TAFA2: variants seen among roughly 807,000 people sequenced by gnomAD.
TAFA2 encodes the protein TAFA chemokine like family member 2.
TAFA2 carries 7 observed loss-of-function variants against 18.8 expected under a neutral mutation model. The observed-to-expected ratio is 0.37, with a 90% CI of 0.21 to 0.70. The LOEUF (loss-of-function observed/expected upper bound fraction) is 0.70, where lower values mean the gene tolerates loss of function less well. Among genes scored for constraint, TAFA2 ranks in the 30% least tolerant of loss-of-function variants. TAFA2 has a pLI of 0.53. For missense variants in TAFA2, 122 were observed against 158.1 expected, an observed-to-expected ratio of 0.77 and a Z score of 1.23; for synonymous variants, 60 against 54.2, an observed-to-expected ratio of 1.11 and a Z score of -0.47.
At chr12:61,809,925 A>G (rs900196904) in intron 2 of TAFA2, among the ~76,000 whole-genome samples, 2 of 151,208 alleles carry the variant, frequency 1.3e-5, no homozygotes, top group Admixed American at 6.6e-5. Context: ...GGTGATTTCT[A>G]ATTTCTAATT....
Position 61,710,366 on chromosome 12 carries a change from C to A in TAFA2, c.*40G>T. On this transcript the variant is annotated 3_prime_UTR_variant, in exon 5 of 5. Transcript: ENST00000416284. ...TGAGTTAAGTTTCTATGCGCATGTT[C>A]AATGTCATCAGCCTTGAGGATCACT... The A allele has an allele frequency of 6.2e-7, 1 of 1,600,512 alleles. No homozygotes were observed. The highest frequency in any genetic ancestry group is 1.1e-5 in the South Asian group (1 of 90,696).
chr12:62,147,729 CAAAAAAAAAAA>C (rs10552283), intron 1 of TAFA2, among the ~76,000 whole-genome samples: 7,970 of 76,622 alleles, frequency 0.1, 352 homozygotes, highest in South Asian at 0.19. Flanking sequence ...GACTCTGTCT[CAAAAAAAAAAA>C]AAAAAAAAAA....
chr12:62,222,494 A>ATAT (rs925490868), intron 1 of TAFA2, among the ~76,000 whole-genome samples: 1 of 151,802 alleles, frequency 6.6e-6, no homozygotes, highest in African/African-American at 2.4e-5. Context: ...ATATTCAAGG[A>ATAT]TATTATTTAT....
chr12:62,103,542 G>A (rs140414306), intron 1 of TAFA2, among the ~76,000 whole-genome samples: 2 of 152,232 alleles, frequency 1.3e-5, no homozygotes, highest in African/African-American at 4.8e-5. Context: ...AGGAGTTCGA[G>A]ACCAGCCTGA....
chr12:61,813,434 C>T (rs1182754502), intron 2 of TAFA2, among the ~76,000 whole-genome samples: 2 of 151,096 alleles, frequency 1.3e-5, no homozygotes, highest in African/African-American at 4.9e-5. Context: ...AGCCATTTGC[C>T]TCTAAATTAA....
At chr12:62,042,261 T>C (rs940379621) in intron 1 of TAFA2, among the ~76,000 whole-genome samples, 1 of 152,024 alleles carries the variant, frequency 6.6e-6, no homozygotes, top group African/African-American at 2.4e-5. Flanking sequence ...CCTGATCTCA[T>C]GGAGGAACAC....
In TAFA2 at chr12:61,887,302, G is replaced by GT. The variant is rs575870210; in HGVS notation, c.-1-19877dup. 2.1e-3 allele frequency among the ~76,000 whole-genome samples: 319 copies of GT among 152,262 alleles called. 1 individual carries two copies. The highest frequency in any genetic ancestry group is 7.2e-3 in the African/African-American group (301 of 41,564). ...TTGACAGCTTATTACCTACATTGAA[G>GT]TTTTTTATCTGTTAAATGTAGAAAA... is the stretch of plus-strand genomic sequence containing the variant. On this transcript the variant is annotated intron_variant, in intron 1 of 4. Transcript: ENST00000416284.
intron 2 of TAFA2, among the ~76,000 whole-genome samples, chr12:61,769,000 G>A (rs972278937): frequency 1.3e-5 from 2 of 151,930 alleles, no homozygotes; most frequent in Non-Finnish European, 2.9e-5. Context: ...TGTGCTGTTG[G>A]TGGGGCATGG....
intron 1 of TAFA2, among the ~76,000 whole-genome samples, chr12:62,078,692 G>A (rs1001252453): frequency 1.3e-5 from 2 of 152,172 alleles, no homozygotes; most frequent in African/African-American, 4.8e-5. Flanking sequence ...TAGCCCTTTG[G>A]GGAGCTGGCA....
At chr12:62,115,181 G>C (rs1424588613) in intron 1 of TAFA2, among the ~76,000 whole-genome samples, 2 of 152,012 alleles carry the variant, frequency 1.3e-5, no homozygotes, top group Non-Finnish European at 2.9e-5. Flanking sequence ...AAACTACTAA[G>C]ATCATCCTGA....
intron 1 of TAFA2, among the ~76,000 whole-genome samples, chr12:62,006,587 A>C: frequency 6.6e-6 from 1 of 152,226 alleles, no homozygotes; most frequent in East Asian, 1.9e-4. Flanking sequence ...CTAAAGTCTA[A>C]GAGAGGCTAC....
intron 1 of TAFA2, among the ~76,000 whole-genome samples, chr12:62,208,351 T>C (rs541501033): frequency 2.6e-4 from 40 of 152,328 alleles, no homozygotes; most frequent in African/African-American, 9.4e-4. Flanking sequence ...GTTTCTTAAT[T>C]GAACTTAACA....
At chr12:61,735,428 T>C (rs1868288792) in intron 4 of TAFA2, among the ~76,000 whole-genome samples, 2 of 152,214 alleles carry the variant, frequency 1.3e-5, no homozygotes, top group African/African-American at 2.4e-5. Context: ...TACATATTTA[T>C]GTGATACAGT....
At position 61,825,381 on chromosome 12, in the gene TAFA2, A is replaced by G. The variant is rs911978256; in HGVS notation, c.106+41939T>C. Among the ~76,000 whole-genome samples, 3 of 152,140 alleles carry G rather than the reference A, an allele frequency of 2.0e-5. 1 individual carries two copies. The highest frequency in any genetic ancestry group is 1.3e-4 in the Admixed American group (2 of 15,240). On this transcript the variant is annotated intron_variant, in intron 2 of 4. Transcript: ENST00000416284. ...AAAGGGAATAGAATTATCATTAACA[A>G]CATTAGGAGGGTTAAGAGGCAGTAT...
chr12:62,041,906 G>T (rs1881765816), intron 1 of TAFA2, among the ~76,000 whole-genome samples: 2 of 151,990 alleles, frequency 1.3e-5, no homozygotes, highest in African/African-American at 4.8e-5. Flanking sequence ...TCTGAAAGAA[G>T]ATTTCAATAT....
intron 1 of TAFA2, among the ~76,000 whole-genome samples, chr12:62,216,124 T>A (rs1017082402): frequency 3.3e-5 from 5 of 152,202 alleles, no homozygotes; most frequent in Admixed American, 3.3e-4. Context: ...ATTACATTCC[T>A]CTGTTAGAGA....
intron 1 of TAFA2, among the ~76,000 whole-genome samples, chr12:62,237,230 G>A (rs151029311): frequency 0.013 from 1,933 of 152,116 alleles, 44 homozygotes; most frequent in African/African-American, 0.044. Context: ...TCTGTTCGCC[G>A]GGCGCGGTGG....
At chr12:61,753,484 A>C in intron 4 of TAFA2, 138 bp downstream of exon 4, 1 of 732,202 alleles carries the variant, frequency 1.4e-6, no homozygotes. Flanking sequence ...AAGCGAACTA[A>C]GAAAAAAATG....
At chr12:62,047,859 T>C (rs1036350916) in intron 1 of TAFA2, among the ~76,000 whole-genome samples, 7 of 152,196 alleles carry the variant, frequency 4.6e-5, no homozygotes, top group Admixed American at 2.0e-4. Flanking sequence ...AGAATATGCA[T>C]GCTGAAAGTT....
Sources: allele counts gnomAD v4.1 joint callset (sites outside exome capture counted in the v4.1 genomes callset), GRCh38; gene constraint gnomAD v4.1.1; transcripts MANE v1.5; gene names NCBI Gene and HGNC (gene_info 2026-07-23, HGNC 2026-07-21).